Variants in PXK observed in about 807,000 individuals in gnomAD.
PXK encodes the protein PX domain-containing protein kinase-like protein.
A neutral mutation model predicts 84.7 loss-of-function variants in PXK; 35 were observed. The observed-to-expected ratio is 0.41, with a 90% CI of 0.32 to 0.55. The LOEUF (loss-of-function observed/expected upper bound fraction) is 0.55, where lower values mean the gene tolerates loss of function less well. Ranked by LOEUF, PXK falls within the 20% of genes least tolerant of loss-of-function variation. PXK has a pLI of 0.21. For missense variants in PXK, 634 were observed against 699.7 expected (o/e 0.91, Z 1.06); for synonymous variants, 253 against 260.8 (o/e 0.97, Z 0.29).
intron 1 of PXK, among the ~76,000 whole-genome samples, chr3:58,362,326 G>A (rs78721323): frequency 0.016 from 2,382 of 152,174 alleles, 70 homozygotes; most frequent in African/African-American, 0.055. Flanking sequence ...AAGTCTTACA[G>A]TTTTACATTT....
intron 17 of PXK, chr3:58,422,291 A>C: frequency 1.0e-6 from 1 of 985,358 alleles, no homozygotes; most frequent in Non-Finnish European, 1.2e-6. Context: ...AGAGTGTTCC[A>C]AACTGGCAAG....
intron 2 of PXK, among the ~76,000 whole-genome samples, chr3:58,368,576 C>G (rs530561429): frequency 7.4e-4 from 113 of 152,288 alleles, no homozygotes; most frequent in African/African-American, 2.5e-3. Context: ...CCCGCCTTAG[C>G]CTCCCAAAGT....
Position 58,332,898 on chromosome 3 carries a change from A to T in PXK, c.-91A>T. ...GGCGCGTGGGGCGGCGCGTGTTGACAGCGGCGGCGGTGGAACCGGGCGGGC... is the reference window on the plus strand; with the variant it reads ...GGCGCGTGGGGCGGCGCGTGTTGACTGCGGCGGCGGTGGAACCGGGCGGGC... On this transcript the variant is annotated 5_prime_UTR_variant, in exon 1 of 18. Coordinates refer to ENST00000356151, the MANE Select transcript of PXK (RefSeq NM_017771.5). The surrounding 1 kb of genome is among the most constrained non-coding windows in gnomAD (Gnocchi z 5.6). 5.1e-6 allele frequency: 4 copies of T among 783,888 alleles called. No individual in the cohort carries two copies. The highest frequency in any genetic ancestry group is 6.7e-6 in the Non-Finnish European group (4 of 599,418). 48.6% of individuals were successfully genotyped at this position (783,888 alleles called of 1,614,324 possible).
chr3:58,348,754 TAA>T (rs765768894), intron 1 of PXK, among the ~76,000 whole-genome samples: 1 of 138,398 alleles, frequency 7.2e-6, no homozygotes, highest in South Asian at 2.3e-4. Flanking sequence ...CTACAAAACT[TAA>T]AAAAAAAAAA....
chr3:58,399,202 G>A lies in PXK; in HGVS notation c.1103-97G>A. The A allele has an allele frequency of 7.7e-6, 8 of 1,044,434 alleles. No homozygotes were observed. Among genetic ancestry groups the A allele is most frequent in the South Asian group, 5.3e-5 (4 of 75,576 alleles). 64.7% of individuals were successfully genotyped at this position (1,044,434 alleles called of 1,614,324 possible). On this transcript the variant is annotated intron_variant, in intron 11 of 17. Transcript: ENST00000356151. The surrounding 1 kb of genome is among the most constrained non-coding windows in gnomAD (Gnocchi z 4.3). Reference sequence around the variant, plus strand: ...TTTTTGACACTGTCCTGATCAGCCCGCAGACAGTTATTGCAAAGTGGTGTT... The same window carrying A: ...TTTTTGACACTGTCCTGATCAGCCCACAGACAGTTATTGCAAAGTGGTGTT...
At chr3:58,346,994 A>G (rs936734222) in intron 1 of PXK, among the ~76,000 whole-genome samples, 2 of 152,210 alleles carry the variant, frequency 1.3e-5, no homozygotes, top group East Asian at 1.9e-4. Flanking sequence ...GCGTGCCACC[A>G]TGCCCGGCTA....
intron 1 of PXK, 96 bp from the exon 2 acceptor site, chr3:58,365,778 A>T: frequency 2.0e-6 from 2 of 996,282 alleles, no homozygotes; most frequent in Non-Finnish European, 2.9e-6. Flanking sequence ...TCTGAAGTCT[A>T]CTTTATCTGA....
At chr3:58,423,017 G>T (rs996640499) in intron 17 of PXK, 3 of 985,262 alleles carry the variant, frequency 3.0e-6, no homozygotes, top group South Asian at 9.4e-5. Flanking sequence ...AGGGTGCTGG[G>T]GAAGGGCACT....
chr3:58,404,213 G>A (rs914402859), intron 13 of PXK, among the ~76,000 whole-genome samples: 1 of 152,218 alleles, frequency 6.6e-6, no homozygotes, highest in African/African-American at 2.4e-5. Context: ...CTGGAAGGAG[G>A]TCTTCTCCTG....
intron 17 of PXK, chr3:58,420,608 C>T (rs2061683015): frequency 1.3e-6 from 2 of 1,535,794 alleles, no homozygotes; most frequent in South Asian, 1.2e-5. Context: ...TTTAAAGATG[C>T]TCTGTTTCTG....
chr3:58,422,914 G>A (rs939382263), intron 17 of PXK: 2 of 985,388 alleles, frequency 2.0e-6, no homozygotes, highest in Middle Eastern at 5.2e-4. Context: ...GCACAAACCT[G>A]GGAGGCAGAA....
intron 1 of PXK, among the ~76,000 whole-genome samples, chr3:58,342,220 G>C (rs2097748513): frequency 1.3e-5 from 2 of 152,096 alleles, no homozygotes; most frequent in Admixed American, 1.3e-4. Context: ...ACTCCTTTAA[G>C]GATCTCATCA....
At chr3:58,357,401 G>A (rs926178230) in intron 1 of PXK, among the ~76,000 whole-genome samples, 1 of 152,148 alleles carries the variant, frequency 6.6e-6, no homozygotes, top group African/African-American at 2.4e-5. Flanking sequence ...GTCTTCTGGG[G>A]CAATAACACA....
chr3:58,336,071 A>ATATATATATATTT (rs1284780630), intron 1 of PXK, among the ~76,000 whole-genome samples: 14 of 51,572 alleles, frequency 2.7e-4, no homozygotes, highest in African/African-American at 8.1e-4. Context: ...ATATATATAT[A>ATATATATATATTT]TTTTTTTTTT....
chr3:58,334,488 G>A (rs1055581614), intron 1 of PXK, among the ~76,000 whole-genome samples: 2 of 152,112 alleles, frequency 1.3e-5, no homozygotes, highest in Non-Finnish European at 2.9e-5. Context: ...TTGACTATTG[G>A]CAAGTAAGTC....
intron 1 of PXK, among the ~76,000 whole-genome samples, chr3:58,358,732 C>T (rs1189910210): frequency 6.6e-6 from 1 of 152,140 alleles, no homozygotes; most frequent in African/African-American, 2.4e-5. Flanking sequence ...TGTTTCCAGG[C>T]ATTACCAGAT....
chr3:58,406,526 G>A (rs541534650), intron 13 of PXK, among the ~76,000 whole-genome samples: 1 of 152,008 alleles, frequency 6.6e-6, no homozygotes, highest in Non-Finnish European at 1.5e-5. Context: ...GCCTCCCAAA[G>A]TGCTGGGATT....
rs997237601 is a variant in PXK, at chr3:58,416,781, T to G, written c.1528+3818T>G. 1.3e-5 allele frequency among the ~76,000 whole-genome samples: 2 copies of G among 151,998 alleles called. No homozygotes were observed. The highest frequency in any genetic ancestry group is 2.9e-5 in the Non-Finnish European group (2 of 68,002). ...GATTATAGGCACTCACCACCACGCTTGGCTAATATTTTTGTATTTTTGATA... is the reference window on the plus strand; with the variant it reads ...GATTATAGGCACTCACCACCACGCTGGGCTAATATTTTTGTATTTTTGATA... On this transcript the variant is annotated intron_variant, in intron 17 of 17. Coordinates refer to ENST00000356151, the MANE Select transcript of PXK (RefSeq NM_017771.5). The surrounding 1 kb of genome is among the most constrained non-coding windows in gnomAD (Gnocchi z 4.8).
In PXK at chr3:58,341,992, A is replaced by G. The variant is rs139341592; in HGVS notation, c.102+8902A>G. Among the ~76,000 whole-genome samples, 1,264 of 152,086 alleles carry G rather than the reference A, an allele frequency of 8.3e-3. 21 individuals are homozygous for G. The highest frequency in any genetic ancestry group is 0.029 in the African/African-American group (1,210 of 41,484). On this transcript the variant is annotated intron_variant, in intron 1 of 17. Transcript: ENST00000356151. Reference sequence around the variant, plus strand: ...GTGCTGGGATTACAAGCGTGAGCCAACGCGCCTGGCCAGAAACTTTTCAGT... The same window carrying G: ...GTGCTGGGATTACAAGCGTGAGCCAGCGCGCCTGGCCAGAAACTTTTCAGT...
Sources: gnomAD v4.1 joint callset for allele counts (sites outside exome capture counted in the v4.1 genomes callset) on GRCh38, gnomAD v4.1.1 for gene constraint, Gnocchi (gnomAD v3.1) non-coding constraint, MANE v1.5 for transcripts, NCBI Gene and HGNC (gene_info 2026-07-23, HGNC 2026-07-21) for gene names.